The following LINC00305 variants were observed in gnomAD, a reference collection of about 807,000 sequenced individuals.
LINC00305 encodes the protein long independently transcribed non-coding RNA 305, also known as long intergenic non-protein coding RNA 305.
chr18:64,124,351 C>T (rs978194364), intron 1 of LINC00305, among the ~76,000 whole-genome samples: 6 of 152,118 alleles, frequency 3.9e-5, no homozygotes, highest in Non-Finnish European at 8.8e-5. Flanking sequence ...TCACAGACAT[C>T]TTCCTGACTA....
At chr18:64,111,455 C>T (rs776660479) in intron 1 of LINC00305, among the ~76,000 whole-genome samples, 1 of 152,108 alleles carries the variant, frequency 6.6e-6, no homozygotes, top group Non-Finnish European at 1.5e-5. Flanking sequence ...CTGAATGCAG[C>T]TCAAATGGAA....
chr18:64,119,744 G>T (rs2051353486), intron 1 of LINC00305, among the ~76,000 whole-genome samples: 1 of 151,950 alleles, frequency 6.6e-6, no homozygotes, highest in Non-Finnish European at 1.5e-5. Flanking sequence ...TGGTGAGATG[G>T]GTTTTCTTGA....
intron 1 of LINC00305, among the ~76,000 whole-genome samples, chr18:64,126,116 G>A (rs2051383982): frequency 6.6e-6 from 1 of 151,978 alleles, no homozygotes; most frequent in Non-Finnish European, 1.5e-5. Flanking sequence ...GTGATATTTT[G>A]TTACCGCAGC....
chr18:64,139,994 GTTC>G (rs1401669230), intron 1 of LINC00305, among the ~76,000 whole-genome samples: 2 of 151,966 alleles, frequency 1.3e-5, no homozygotes, highest in African/African-American at 4.8e-5. Context: ...CACTGACCTT[GTTC>G]TTCTTTAAAC....
intron 3 of LINC00305, among the ~76,000 whole-genome samples, chr18:64,087,575 A>C: frequency 6.6e-6 from 1 of 152,210 alleles, no homozygotes; most frequent in East Asian, 1.9e-4. Flanking sequence ...AACATTTTTG[A>C]AATATATTTT....
At chr18:64,102,719 G>A (rs2051272416) in intron 1 of LINC00305, among the ~76,000 whole-genome samples, 1 of 152,148 alleles carries the variant, frequency 6.6e-6, no homozygotes, top group African/African-American at 2.4e-5. Flanking sequence ...CATGGCGGAG[G>A]GCAAAGGGGA....
chr18:64,088,778 TGGAAGACCTCATCAGGA>T (rs1005306944), intron 3 of LINC00305, among the ~76,000 whole-genome samples: 2 of 152,314 alleles, frequency 1.3e-5, no homozygotes, highest in Admixed American at 6.5e-5. Context: ...ATTGCAATGG[TGGAAGACCTCATCAGGA>T]GAACAGAGCC....
At chr18:64,146,728 G>A (rs1320213369) in intron 1 of LINC00305, among the ~76,000 whole-genome samples, 2 of 152,212 alleles carry the variant, frequency 1.3e-5, no homozygotes, top group Admixed American at 1.3e-4. Context: ...CTAGAAAGTA[G>A]AATGCTGTAT....
At chr18:64,108,145 G>T (rs994229774) in intron 1 of LINC00305, among the ~76,000 whole-genome samples, 1 of 152,172 alleles carries the variant, frequency 6.6e-6, no homozygotes, top group African/African-American at 2.4e-5. Context: ...AAAAAATGGG[G>T]TTGCTGATTT....
chr18:64,122,456 G>A (rs1474415934), intron 1 of LINC00305, among the ~76,000 whole-genome samples: 1 of 151,994 alleles, frequency 6.6e-6, no homozygotes. Context: ...TTTCTCTAGT[G>A]TATGATCTTG....
At chr18:64,087,968 C>A (rs972754517) in intron 3 of LINC00305, among the ~76,000 whole-genome samples, 3 of 151,290 alleles carry the variant, frequency 2.0e-5, no homozygotes, top group Non-Finnish European at 4.4e-5. Context: ...CAAAAAAAAA[C>A]AAATATTAGC....
chr18:64,107,407 C>T (rs2051295763), intron 1 of LINC00305, among the ~76,000 whole-genome samples: 1 of 152,190 alleles, frequency 6.6e-6, no homozygotes, highest in Non-Finnish European at 1.5e-5. Flanking sequence ...ACTGGTGAAT[C>T]AGCATAGTGT....
chr18:64,105,973 C>T (rs1353900701), intron 1 of LINC00305, among the ~76,000 whole-genome samples: 1 of 152,226 alleles, frequency 6.6e-6, no homozygotes, highest in African/African-American at 2.4e-5. Context: ...TTGGCCATAC[C>T]TGGGTGCTAC....
At chr18:64,093,806 A>G (rs1033669605) in intron 3 of LINC00305, among the ~76,000 whole-genome samples, 9 of 152,184 alleles carry the variant, frequency 5.9e-5, no homozygotes, top group African/African-American at 2.2e-4. Flanking sequence ...CAGCATAGCC[A>G]CCCATCCCTG....
chr18:64,101,397 G>C (rs1234225110), intron 1 of LINC00305, among the ~76,000 whole-genome samples: 2 of 152,068 alleles, frequency 1.3e-5, no homozygotes, highest in African/African-American at 4.8e-5. Flanking sequence ...CATGCTCTGA[G>C]GGCTTTTGGG....
chr18:64,130,873 A>G (rs2051406513), intron 1 of LINC00305, among the ~76,000 whole-genome samples: 1 of 152,204 alleles, frequency 6.6e-6, no homozygotes, highest in Admixed American at 6.5e-5. Flanking sequence ...GATATGGTAG[A>G]TAAACTTGGA....
At chr18:64,105,523 C>G (rs1471931880) in intron 1 of LINC00305, among the ~76,000 whole-genome samples, 1 of 151,998 alleles carries the variant, frequency 6.6e-6, no homozygotes, top group African/African-American at 2.4e-5. Flanking sequence ...TTAAAAACCC[C>G]TCAAATTGTA....
At chr18:64,110,563 C>T (rs968234349) in intron 1 of LINC00305, among the ~76,000 whole-genome samples, 2 of 152,018 alleles carry the variant, frequency 1.3e-5, no homozygotes, top group South Asian at 4.2e-4. Context: ...AGAAGAAATG[C>T]TTGAGATTTT....
chr18:64,118,944 T>A (rs1362558506), intron 1 of LINC00305, among the ~76,000 whole-genome samples: 1 of 151,964 alleles, frequency 6.6e-6, no homozygotes, highest in Non-Finnish European at 1.5e-5. Flanking sequence ...GTTTGATGAT[T>A]GATTTGTTTT....
Sources: gnomAD v4.1 joint callset for allele counts (sites outside exome capture counted in the v4.1 genomes callset) on GRCh38, gnomAD v4.1.1 for gene constraint, MANE v1.5 for transcripts, NCBI Gene and HGNC (gene_info 2026-07-23, HGNC 2026-07-21) for gene names.